Variants in COL5A2 observed in about 807,000 individuals in gnomAD.
COL5A2 encodes the protein collagen alpha-2(V) chain.
Under a neutral mutation model 208.2 loss-of-function variants are expected in COL5A2, and 23 were observed. The observed-to-expected ratio is 0.11, with a 90% confidence interval of 0.08 to 0.16. COL5A2 has a LOEUF of 0.16. COL5A2 is among the 10% of genes least tolerant of loss of function. COL5A2 has a pLI of 1.00. For missense variants in COL5A2, 1,590 were observed against 1,956.4 expected, an observed-to-expected ratio of 0.81 and a Z score of 3.53; for synonymous variants, 625 against 628.5, an observed-to-expected ratio of 0.99 and a Z score of 0.08.
the COL5A2 span, among the ~76,000 whole-genome samples, chr2:189,381,085 G>A: frequency 6.6e-6 from 1 of 152,144 alleles, no homozygotes; most frequent in Non-Finnish European, 1.5e-5. Context: ...AAGCTGAAAA[G>A]TAAACATTAT....
chr2:189,228,350 G>A (rs146877642), upstream of COL5A2, among the ~76,000 whole-genome samples: 1,968 of 151,302 alleles, frequency 0.013, 51 homozygotes, highest in African/African-American at 0.044. Context: ...AAAAACCATA[G>A]AAAAATCAAC....
chr2:189,049,049 G>GA lies in COL5A2; in HGVS notation c.3147+297dup, dbSNP rs397811419. 0.017 allele frequency among the ~76,000 whole-genome samples: 2,644 copies of GA among 151,390 alleles called. 80 individuals are homozygous for GA. Among genetic ancestry groups the GA allele is most frequent in the African/African-American group, 0.06 (2,471 of 41,282 alleles). On this transcript the variant is annotated intron_variant, in intron 44 of 53. Coordinates refer to ENST00000374866, the MANE Select transcript of COL5A2 (RefSeq NM_000393.5). ...ATTACAAAATGAAATAATAACAAGG[G>GA]AAAGATGAATGGATGTGTCCTTTCA...
chr2:189,397,518 A>G, the COL5A2 span, among the ~76,000 whole-genome samples: 3 of 152,186 alleles, frequency 2.0e-5, no homozygotes, highest in Admixed American at 6.5e-5. Context: ...AATGAATCCA[A>G]GAGGATTAAT....
chr2:189,164,391 C>T (rs541589174), intron 1 of COL5A2, among the ~76,000 whole-genome samples: 1 of 152,004 alleles, frequency 6.6e-6, no homozygotes, highest in Non-Finnish European at 1.5e-5. Context: ...CAAGTCAAAG[C>T]CTCTATTCTT....
chr2:189,206,257 C>T (rs16831217), intron 1 of COL5A2, among the ~76,000 whole-genome samples: 5,632 of 152,170 alleles, frequency 0.037, 127 homozygotes, highest in South Asian at 0.05. Context: ...AAGACTGAAC[C>T]AACCATATGC....
intron 1 of COL5A2, among the ~76,000 whole-genome samples, chr2:189,163,611 T>A (rs1688412475): frequency 6.6e-6 from 1 of 152,330 alleles, no homozygotes; most frequent in East Asian, 1.9e-4. Context: ...TCTGAATTGA[T>A]CTAAACTTCA....
chr2:189,034,181 T>C lies in COL5A2; in HGVS notation c.4389A>G (p.Glu1463=), dbSNP rs146100075. 6,041 of 1,614,014 alleles carry C rather than the reference T, an allele frequency of 3.7e-3. 28 individuals are homozygous for C. The highest frequency in any genetic ancestry group is 4.9e-3 in the Non-Finnish European group (5,734 of 1,179,932). ...AGCGTGCCACATTCTGTGTTCTATATTCAAAGACAGTCTTGCCCACATTTC... is the reference window on the plus strand; with the variant it reads ...AGCGTGCCACATTCTGTGTTCTATACTCAAAGACAGTCTTGCCCACATTTC... ...RNGNVGKTVF[E]YRTQNVARLP... Residue 1463 remains glutamate, a synonymous_variant, in exon 54 of 54, where the codon GAA becomes GAG. Coordinates refer to ENST00000374866, the MANE Select transcript of COL5A2 (RefSeq NM_000393.5).
chr2:189,283,159 C>T, the COL5A2 span, among the ~76,000 whole-genome samples: 1 of 150,186 alleles, frequency 6.7e-6, no homozygotes, highest in African/African-American at 2.5e-5. Context: ...TTAGTAAATG[C>T]TGTTGACTTG....
chr2:189,092,437 T>C lies in COL5A2; in HGVS notation c.457-17A>G, dbSNP rs1686808087. ...ACGAGGGCCCTGGAAAACAAGCCAG[T>C]TAAAATTAGAACCCACTGCCAAATA... On this transcript the variant is annotated splice_polypyrimidine_tract_variant and intron_variant, in intron 6 of 53. Coordinates refer to ENST00000374866, the MANE Select transcript of COL5A2 (RefSeq NM_000393.5). 6.6e-7 allele frequency: 1 copy of C among 1,522,054 alleles called. No individual in the cohort carries two copies. The highest frequency in any genetic ancestry group is 1.2e-5 in the South Asian group (1 of 84,836). 94.3% of individuals were successfully genotyped at this position (1,522,054 alleles called of 1,614,324 possible). A position where few individuals can be genotyped will look rare whatever the true frequency, so the allele number is the denominator to read the frequency against.
At chr2:189,053,166 C>G in intron 38 of COL5A2, 148 bp from the exon 39 acceptor site, 1 of 768,336 alleles carries the variant, frequency 1.3e-6, no homozygotes, top group South Asian at 1.8e-5. Context: ...AAAAAAAGTA[C>G]TCTGATGAGA....
chr2:189,407,647 A>T, the COL5A2 span, among the ~76,000 whole-genome samples: 1 of 152,260 alleles, frequency 6.6e-6, no homozygotes, highest in Admixed American at 6.5e-5. Context: ...CAAGAGGCTG[A>T]TTCCATCTCC....
chr2:189,032,983 A>G lies in COL5A2; in HGVS notation c.*1087T>C, dbSNP rs1685367545. 1 of 152,616 alleles carries G rather than the reference A, an allele frequency of 6.6e-6. No homozygotes were observed. Among genetic ancestry groups the G allele is most frequent in the Non-Finnish European group, 1.5e-5 (1 of 68,006 alleles). 9.5% of individuals were successfully genotyped at this position (152,616 alleles called of 1,614,324 possible). ...TTTCAGTATCTAAAATATAAACAAG[A>G]ATAGTAAGTCCATCCCAGCTTCTAG... is the stretch of plus-strand genomic sequence containing the variant. On this transcript the variant is annotated 3_prime_UTR_variant, in exon 54 of 54. Transcript: ENST00000374866.
rs745976187 is a variant in COL5A2, at chr2:189,156,096, ATT to A, written c.97+23410_97+23411del. ...CTAGTTAATCCAAGATAATATCTGT[ATT>A]TTAAAATTAGCTGATTGGCAATCAT... is the stretch of plus-strand genomic sequence containing the variant. On this transcript the variant is annotated intron_variant, in intron 1 of 53. Coordinates refer to ENST00000374866, the MANE Select transcript of COL5A2 (RefSeq NM_000393.5). Among the ~76,000 whole-genome samples the A allele has an allele frequency of 5.3e-5, 8 of 152,216 alleles. No individual in the cohort carries two copies. In the East Asian group the frequency reaches 1.2e-3, roughly 22 times the overall value.
At chr2:189,049,727 G>A (rs1454620570) in intron 43 of COL5A2, among the ~76,000 whole-genome samples, 2 of 152,148 alleles carry the variant, frequency 1.3e-5, no homozygotes, top group Non-Finnish European at 2.9e-5. Flanking sequence ...TACCATAGGT[G>A]ATTCTAGCTG....
intron 1 of COL5A2, among the ~76,000 whole-genome samples, chr2:189,205,895 A>G (rs1689137714): frequency 6.6e-6 from 1 of 152,236 alleles, no homozygotes; most frequent in East Asian, 1.9e-4. Context: ...AAGTAATTAT[A>G]GAACAACTTC....
chr2:189,137,833 T>C (rs1687855604), intron 1 of COL5A2, among the ~76,000 whole-genome samples: 1 of 152,192 alleles, frequency 6.6e-6, no homozygotes, highest in South Asian at 2.1e-4. Context: ...TGGCAAATTT[T>C]AAAGAGAAGA....
chr2:189,092,641 T>C (rs1686813448), intron 6 of COL5A2, among the ~76,000 whole-genome samples: 1 of 152,180 alleles, frequency 6.6e-6, no homozygotes, highest in African/African-American at 2.4e-5. Flanking sequence ...TTTTATGTGG[T>C]GTGTTAAATA....
the COL5A2 span, among the ~76,000 whole-genome samples, chr2:189,243,674 C>CA: frequency 6.6e-6 from 1 of 152,144 alleles, no homozygotes; most frequent in African/African-American, 2.4e-5. Context: ...CCTCACATTT[C>CA]AAAACAATCA....
the COL5A2 span, among the ~76,000 whole-genome samples, chr2:189,432,313 T>C: frequency 6.6e-6 from 1 of 152,260 alleles, no homozygotes; most frequent in Middle Eastern, 3.4e-3. Flanking sequence ...AATGACAGGA[T>C]CTAATTCACA....
Sources: allele counts gnomAD v4.1 joint callset (sites outside exome capture counted in the v4.1 genomes callset), GRCh38; gene constraint gnomAD v4.1.1; transcripts MANE v1.5; gene names NCBI Gene and HGNC (gene_info 2026-07-23, HGNC 2026-07-21).